Variants in CTNNA3 observed in about 807,000 individuals in gnomAD.
CTNNA3 encodes catenin alpha 3, also known as catenin alpha-3.
CTNNA3 carries 76 observed loss-of-function variants against 95.7 expected under a neutral mutation model. The ratio of observed to expected loss-of-function variants is 0.79; its 90% confidence interval spans 0.66 to 0.96. The LOEUF (loss-of-function observed/expected upper bound fraction) is 0.96. Ranked by LOEUF, CTNNA3 falls within the 40% of genes least tolerant of loss-of-function variation. The probability of loss-of-function intolerance (pLI) is 0.00; values close to 1 mark genes in which losing one functional copy is unlikely to be tolerated. For missense variants in CTNNA3, 1,191 were observed against 1,089.8 expected (o/e 1.09, Z -1.31); for synonymous variants, 431 against 374.4 (o/e 1.15, Z -1.74).
intron 9 of CTNNA3, among the ~76,000 whole-genome samples, chr10:66,653,856 G>C (rs1321494722): frequency 1.3e-5 from 2 of 152,018 alleles, no homozygotes; most frequent in African/African-American, 4.8e-5. Context: ...ATGTGGAAAA[G>C]ATAAGTCTCT....
chr10:66,090,320 G>A (rs1172778293), intron 14 of CTNNA3, among the ~76,000 whole-genome samples: 17 of 151,978 alleles, frequency 1.1e-4, no homozygotes, highest in Admixed American at 1.1e-3. Flanking sequence ...GGTGAATGTT[G>A]CCAAGCTGCA....
intron 7 of CTNNA3, among the ~76,000 whole-genome samples, chr10:67,174,424 C>G (rs562278997): frequency 6.6e-6 from 1 of 152,202 alleles, no homozygotes; most frequent in South Asian, 2.1e-4. Flanking sequence ...TATTCTATGC[C>G]AGATCTACGT....
intron 3 of CTNNA3, among the ~76,000 whole-genome samples, chr10:67,583,546 CT>C (rs1842496609): frequency 1.3e-5 from 2 of 152,070 alleles, no homozygotes; most frequent in Admixed American, 6.6e-5. Context: ...CTTGTAGTTG[CT>C]CTTGTTGAGT....
At position 65,988,856 on chromosome 10, in the gene CTNNA3, C is replaced by T. The variant is rs758072028; in HGVS notation, c.2160-59G>A. The T allele has an allele frequency of 2.0e-4, 238 of 1,217,248 alleles. 1 individual carries two copies. The highest frequency in any genetic ancestry group is 2.8e-4 in the Non-Finnish European group (232 of 835,944). The allele number at this position is 1,217,248 out of a possible 1,614,324, so 75.4% of individuals were successfully genotyped here. ...TTCATGAGAAAATATATGTTAGCTA[C>T]GATGGTTCATGAAAAAATGTATTAA... On this transcript the variant is annotated intron_variant, in intron 15 of 17. Coordinates refer to ENST00000433211, the MANE Select transcript of CTNNA3 (RefSeq NM_013266.4).
At chr10:67,296,934 CAAAAAAAAAAAAAAA>C (rs1210482029) in intron 5 of CTNNA3, among the ~76,000 whole-genome samples, 1 of 17,654 alleles carries the variant, frequency 5.7e-5, no homozygotes, top group African/African-American at 2.0e-4. Flanking sequence ...AACGCTGTCT[CAAAAAAAAAAAAAAA>C]AAAAAAAAAA....
intron 3 of CTNNA3, among the ~76,000 whole-genome samples, chr10:67,550,022 A>C (rs978747801): frequency 3.4e-4 from 51 of 152,228 alleles, no homozygotes; most frequent in African/African-American, 1.2e-3. Flanking sequence ...TAAAAAGTTC[A>C]TACAACTAAC....
chr10:67,113,659 A>C (rs1859020812), intron 7 of CTNNA3, among the ~76,000 whole-genome samples: 1 of 152,162 alleles, frequency 6.6e-6, no homozygotes, highest in South Asian at 2.1e-4. Flanking sequence ...GTATGATAAT[A>C]GCTTACTAGG....
At chr10:67,284,300 C>T (rs1748713526) in intron 5 of CTNNA3, among the ~76,000 whole-genome samples, 1 of 152,202 alleles carries the variant, frequency 6.6e-6, no homozygotes, top group African/African-American at 2.4e-5. Flanking sequence ...TTCAAAAGTA[C>T]TCCCCTGGGG....
chr10:66,877,603 C>G (rs539789082), intron 7 of CTNNA3, among the ~76,000 whole-genome samples: 4 of 152,106 alleles, frequency 2.6e-5, no homozygotes, highest in Non-Finnish European at 5.9e-5. Flanking sequence ...ATTTACATTG[C>G]TCCTAGGGAA....
chr10:65,920,464 C>A lies in CTNNA3; in HGVS notation c.2554G>T (p.Ala852Ser), dbSNP rs778712224. ...TTAATCAAGGGTTTTTTTGCAGGAG[C>A]CTTCATTCTCCACATCACAACTGGG... ...RHPVVMWRMK[A>S]PAKKPLIKRE... The change falls in exon 18 of 18, where the codon GCT (alanine) becomes TCT (serine). Residue 852 changes from alanine (A) to serine (S), a missense_variant. Ala to Ser is a moderately conservative substitution (Grantham distance 99). Transcript: ENST00000433211. The A allele has an allele frequency of 1.2e-5, 19 of 1,613,946 alleles. No individual in the cohort carries two copies. The highest frequency in any genetic ancestry group is 2.2e-5 in the East Asian group (1 of 44,894).
At chr10:67,385,135 A>G (rs1844102902) in intron 5 of CTNNA3, among the ~76,000 whole-genome samples, 1 of 152,156 alleles carries the variant, frequency 6.6e-6, no homozygotes, top group Non-Finnish European at 1.5e-5. Flanking sequence ...CAATTATTTT[A>G]TATGCTACTT....
At chr10:66,763,124 A>T (rs539845354) in intron 9 of CTNNA3, among the ~76,000 whole-genome samples, 1 of 152,150 alleles carries the variant, frequency 6.6e-6, no homozygotes, top group South Asian at 2.1e-4. Context: ...GAGAACTCAT[A>T]TTGTCCTCTA....
intron 14 of CTNNA3, among the ~76,000 whole-genome samples, chr10:66,099,285 A>G (rs2081520813): frequency 6.6e-6 from 1 of 152,204 alleles, no homozygotes; most frequent in South Asian, 2.1e-4. Context: ...ATCTTATAGT[A>G]TCTTCTCAAA....
In CTNNA3 at chr10:66,043,919, T is replaced by C. The variant is rs1487047079; in HGVS notation, c.2159+25389A>G. ...ACCTCAAGGGACATCAAGATGTTAG[T>C]TAATTAGGGTGTGCCTAAAAATGTA... On this transcript the variant is annotated intron_variant, in intron 15 of 17. Transcript: ENST00000433211. 6.6e-5 allele frequency among the ~76,000 whole-genome samples: 10 copies of C among 152,078 alleles called. No homozygotes were observed. The East Asian group carries it at 1.9e-3, about 29-fold the overall frequency.
intron 13 of CTNNA3, among the ~76,000 whole-genome samples, chr10:66,184,946 C>A (rs12573473): frequency 0.18 from 26,819 of 152,108 alleles, 2,818 homozygotes; most frequent in South Asian, 0.4. Flanking sequence ...CACTGTTATG[C>A]CATGAATTAG....
chr10:66,480,504 T>C (rs1231349123), intron 11 of CTNNA3, among the ~76,000 whole-genome samples: 2 of 152,200 alleles, frequency 1.3e-5, no homozygotes, highest in African/African-American at 4.8e-5. Flanking sequence ...AGGCACTGGA[T>C]ATATGTCATT....
intron 5 of CTNNA3, among the ~76,000 whole-genome samples, chr10:67,505,614 C>CA (rs1349635562): frequency 6.6e-6 from 1 of 152,148 alleles, no homozygotes; most frequent in Admixed American, 6.5e-5. Context: ...CTTCAAAGCA[C>CA]AAAAATAATT....
intron 2 of CTNNA3, among the ~76,000 whole-genome samples, chr10:67,632,602 G>C (rs4484989): frequency 0.45 from 67,640 of 151,892 alleles, 18,908 homozygotes; most frequent in African/African-American, 0.8. Context: ...CCCCCACCCT[G>C]AGCCAAGTAA....
At chr10:66,616,381 C>A (rs1302111234) in intron 10 of CTNNA3, among the ~76,000 whole-genome samples, 1 of 152,088 alleles carries the variant, frequency 6.6e-6, no homozygotes, top group Non-Finnish European at 1.5e-5. Context: ...CTAACATCTG[C>A]TCATAGGTTG....
Sources: gnomAD v4.1 joint callset for allele counts (sites outside exome capture counted in the v4.1 genomes callset) on GRCh38, gnomAD v4.1.1 for gene constraint, MANE v1.5 for transcripts, NCBI Gene and HGNC (gene_info 2026-07-23, HGNC 2026-07-21) for gene names.